CAMK4: variants seen among roughly 807,000 people sequenced by gnomAD.
The protein encoded by CAMK4 is calcium/calmodulin dependent protein kinase IV.
CAMK4 carries 22 observed loss-of-function variants against 44.9 expected under a neutral mutation model. That is an observed-to-expected ratio of 0.49 (90% confidence interval 0.35 to 0.70). The LOEUF (loss-of-function observed/expected upper bound fraction) is 0.70. Ranked by LOEUF, CAMK4 falls within the 30% of genes least tolerant of loss-of-function variation. The pLI is 0.01. For missense variants in CAMK4, 498 were observed against 586.8 expected, an observed-to-expected ratio of 0.85 and a Z score of 1.56; for synonymous variants, 218 against 215.4, an observed-to-expected ratio of 1.01 and a Z score of -0.11.
intron 1 of CAMK4, among the ~76,000 whole-genome samples, chr5:111,301,589 T>TAGATAGGAAGATGAAGG (rs1315369378): frequency 2.0e-4 from 30 of 152,210 alleles, no homozygotes; most frequent in Non-Finnish European, 3.4e-4. Flanking sequence ...TGAATTTTTC[T>TAGATAGGAAGATGAAGG]TAATAAACAT....
intron 5 of CAMK4, among the ~76,000 whole-genome samples, chr5:111,417,828 T>C (rs1752869215): frequency 1.3e-5 from 2 of 152,210 alleles, no homozygotes; most frequent in African/African-American, 4.8e-5. Flanking sequence ...AAAACGTCCA[T>C]TTATTACCTT....
At chr5:111,319,699 A>G (rs1748578905) in intron 1 of CAMK4, among the ~76,000 whole-genome samples, 1 of 152,204 alleles carries the variant, frequency 6.6e-6, no homozygotes. Context: ...CCCTGATACA[A>G]TGTAGAAAGC....
rs145955174 is a variant in CAMK4 at position 111,313,800 on chromosome 5, C to T, written c.162-30224C>T. On this transcript the variant is annotated intron_variant, in intron 1 of 10. Coordinates refer to ENST00000282356, the MANE Select transcript of CAMK4 (RefSeq NM_001744.6). The stretch of plus-strand genomic sequence containing the variant: ...GGATTTCAACAGAATACCCAGAATA[C>T]AGACATAGCTACTTGCTGCTTACAT... Among the ~76,000 whole-genome samples the T allele has an allele frequency of 1.8e-3, 272 of 152,232 alleles. 1 individual carries two copies. Among genetic ancestry groups the T allele is most frequent in the Non-Finnish European group, 2.5e-3 (173 of 67,996 alleles).
At chr5:111,343,950 A>C (rs2112752756) in intron 1 of CAMK4, 74 bp from the exon 2 acceptor site, 2 of 841,464 alleles carry the variant, frequency 2.4e-6, no homozygotes, top group East Asian at 5.0e-5. Context: ...TGCAAGATAC[A>C]CTTATTTTCA....
At chr5:111,459,175 G>C (rs1332851524) in intron 7 of CAMK4, among the ~76,000 whole-genome samples, 1 of 152,194 alleles carries the variant, frequency 6.6e-6, no homozygotes, top group African/African-American at 2.4e-5. Context: ...TAATGCTTCA[G>C]CAACACCATC....
At chr5:111,448,249 AT>A (rs1342726870) in intron 6 of CAMK4, among the ~76,000 whole-genome samples, 1 of 152,262 alleles carries the variant, frequency 6.6e-6, no homozygotes, top group Non-Finnish European at 1.5e-5. Flanking sequence ...TACCAAAAAA[AT>A]CTTATAGTCT....
At chr5:111,301,141 C>T (rs763969367) in intron 1 of CAMK4, among the ~76,000 whole-genome samples, 14 of 151,866 alleles carry the variant, frequency 9.2e-5, no homozygotes, top group South Asian at 2.1e-4. Flanking sequence ...CCCTCCTTAA[C>T]GTACTAGGTC....
chr5:111,229,875 C>T (rs909566137), intron 1 of CAMK4, among the ~76,000 whole-genome samples: 5 of 152,186 alleles, frequency 3.3e-5, no homozygotes, highest in African/African-American at 1.2e-4. Context: ...TTCATAGGGT[C>T]TTCCCAGGAA....
chr5:111,361,677 T>C (rs1750597179), intron 2 of CAMK4, among the ~76,000 whole-genome samples: 1 of 152,016 alleles, frequency 6.6e-6, no homozygotes, highest in Non-Finnish European at 1.5e-5. Flanking sequence ...TTAGTAAACA[T>C]ATGAAATTGT....
intron 1 of CAMK4, among the ~76,000 whole-genome samples, chr5:111,264,787 G>A (rs1297368131): frequency 6.6e-6 from 1 of 152,054 alleles, no homozygotes; most frequent in South Asian, 2.1e-4. Context: ...AGCATAGGTG[G>A]TGTTTTGCAG....
chr5:111,428,295 A>G (rs1025532247), intron 5 of CAMK4, among the ~76,000 whole-genome samples: 12 of 152,256 alleles, frequency 7.9e-5, no homozygotes, highest in African/African-American at 2.9e-4. Context: ...GACAACTACA[A>G]TAAATACCCA....
chr5:111,434,977 G>A (rs2112947959), intron 5 of CAMK4, among the ~76,000 whole-genome samples: 1 of 152,224 alleles, frequency 6.6e-6, no homozygotes, highest in African/African-American at 2.4e-5. Flanking sequence ...ATTGAACACA[G>A]CATAGCTGTA....
In CAMK4 at chr5:111,490,942, G is replaced by A; in HGVS notation, c.*6476G>A. The A allele has an allele frequency of 6.6e-6, 1 of 152,182 alleles. No homozygotes were observed. Among genetic ancestry groups the A allele is most frequent in the East Asian group, 1.9e-4 (1 of 5,196 alleles). The allele number at this position is 152,182 out of a possible 1,614,324, so 9.4% of individuals were successfully genotyped here. A position where few individuals can be genotyped will look rare whatever the true frequency, so the allele number is the denominator to read the frequency against. ...GTGAGTTTAGTGAGTGGGTACAGCTGAGTTGGGGTTTAGGTGATTTCTTAT... is the reference window on the plus strand; with the variant it reads ...GTGAGTTTAGTGAGTGGGTACAGCTAAGTTGGGGTTTAGGTGATTTCTTAT... On this transcript the variant is annotated 3_prime_UTR_variant, in exon 11 of 11. Transcript: ENST00000282356.
intron 5 of CAMK4, among the ~76,000 whole-genome samples, chr5:111,397,649 C>CTGTGTGTG (rs3066726): frequency 3.3e-4 from 29 of 88,568 alleles, no homozygotes; most frequent in African/African-American, 1.0e-3. Context: ...AGTCAGCATG[C>CTGTGTGTG]TGTGTGTGTG....
At chr5:111,316,968 G>T (rs1748449471) in intron 1 of CAMK4, among the ~76,000 whole-genome samples, 1 of 152,088 alleles carries the variant, frequency 6.6e-6, no homozygotes, top group African/African-American at 2.4e-5. Flanking sequence ...AGGATTAAGA[G>T]CACATAGGAA....
At chr5:111,325,800 C>T (rs1468664191) in intron 1 of CAMK4, among the ~76,000 whole-genome samples, 4 of 151,930 alleles carry the variant, frequency 2.6e-5, no homozygotes, top group Non-Finnish European at 4.4e-5. Flanking sequence ...GGACAGATTG[C>T]AAAACTTTTC....
At chr5:111,428,253 A>C (rs1415374873) in intron 5 of CAMK4, among the ~76,000 whole-genome samples, 2 of 152,236 alleles carry the variant, frequency 1.3e-5, no homozygotes, top group Non-Finnish European at 2.9e-5. Context: ...AAGATTCCTC[A>C]AGAAGAACAG....
intron 5 of CAMK4, among the ~76,000 whole-genome samples, chr5:111,412,261 G>A (rs550879764): frequency 6.6e-6 from 1 of 152,100 alleles, no homozygotes; most frequent in South Asian, 2.1e-4. Context: ...TAAAAAAACA[G>A]TTTTCCCAAA....
At chr5:111,411,028 CA>C (rs1752614203) in intron 5 of CAMK4, among the ~76,000 whole-genome samples, 1 of 152,094 alleles carries the variant, frequency 6.6e-6, no homozygotes, top group Admixed American at 6.6e-5. Flanking sequence ...AAAACACACA[CA>C]CAAAAGTTTC....
Sources: allele counts gnomAD v4.1 joint callset (sites outside exome capture counted in the v4.1 genomes callset), GRCh38; gene constraint gnomAD v4.1.1; transcripts MANE v1.5; gene names NCBI Gene and HGNC (gene_info 2026-07-23, HGNC 2026-07-21).